The following SBK1 variants were observed in gnomAD, a reference collection of about 807,000 sequenced individuals.
The protein encoded by SBK1 is SH3 domain binding kinase 1.
A neutral mutation model predicts 24.4 loss-of-function variants in SBK1; 11 were observed. The ratio of observed to expected loss-of-function variants is 0.45; its 90% confidence interval spans 0.28 to 0.75. The LOEUF (loss-of-function observed/expected upper bound fraction) is 0.75, where lower values mean the gene tolerates loss of function less well. Among genes scored for constraint, SBK1 ranks in the 30% least tolerant of loss-of-function variants. The pLI is 0.12. For missense variants in SBK1, 467 were observed against 620.5 expected (o/e 0.75, Z 2.63); for synonymous variants, 308 against 284.4 (o/e 1.08, Z -0.83).
rs559857209 is a variant in SBK1 at position 28,309,109 on chromosome 16, T to C, written c.-7-8276T>C. Among the ~76,000 whole-genome samples the C allele has an allele frequency of 3.7e-4, 57 of 152,252 alleles. 1 individual carries two copies. The South Asian group carries it at 0.011, about 31-fold the overall frequency. ...GGGCAATCCTCCACAGCAGGAGGCTTTCCACACAGTGACCTGGGGACCCAG... is the reference window on the plus strand; with the variant it reads ...GGGCAATCCTCCACAGCAGGAGGCTCTCCACACAGTGACCTGGGGACCCAG... On this transcript the variant is annotated intron_variant, in intron 1 of 3. Coordinates refer to ENST00000341901, the MANE Select transcript of SBK1 (RefSeq NM_001024401.3).
At chr16:28,271,525 C>T (rs1007887026) in intron 1 of SBK1, among the ~76,000 whole-genome samples, 1 of 152,130 alleles carries the variant, frequency 6.6e-6, no homozygotes, top group African/African-American at 2.4e-5. Flanking sequence ...CCACTGCACT[C>T]CAGGCTGGGT....
At chr16:28,264,596 A>G (rs2044416875) in intron 1 of SBK1, among the ~76,000 whole-genome samples, 1 of 151,978 alleles carries the variant, frequency 6.6e-6, no homozygotes. Context: ...AATTCCTGCC[A>G]CAGATATTTT....
intron 1 of SBK1, among the ~76,000 whole-genome samples, chr16:28,265,928 T>C (rs1435564623): frequency 2.0e-5 from 3 of 151,078 alleles, no homozygotes; most frequent in Admixed American, 1.3e-4. Context: ...GAGCCAATAT[T>C]GTACCACTGC....
chr16:28,296,616 G>A (rs2044642870), intron 1 of SBK1, among the ~76,000 whole-genome samples: 1 of 152,192 alleles, frequency 6.6e-6, no homozygotes, highest in Non-Finnish European at 1.5e-5. Context: ...GGTCAAGTTA[G>A]AACGTGCACA....
chr16:28,311,187 C>T (rs1224906074), intron 1 of SBK1, among the ~76,000 whole-genome samples: 1 of 152,124 alleles, frequency 6.6e-6, no homozygotes, highest in Non-Finnish European at 1.5e-5. Context: ...CAGCCCCTGC[C>T]CCTGGGGAGC....
chr16:28,273,726 G>A (rs376740425), intron 1 of SBK1, among the ~76,000 whole-genome samples: 5 of 152,268 alleles, frequency 3.3e-5, no homozygotes, highest in South Asian at 4.1e-4. Context: ...GAGTCCCTGC[G>A]CCCAGCCCCA....
chr16:28,305,384 G>C (rs954211691), intron 1 of SBK1, among the ~76,000 whole-genome samples: 1 of 150,710 alleles, frequency 6.6e-6, no homozygotes, highest in Non-Finnish European at 1.5e-5. Context: ...GGCTAATTTT[G>C]TACTTTTAGT....
At chr16:28,297,176 A>G (rs2141578587) in intron 1 of SBK1, among the ~76,000 whole-genome samples, 1 of 152,226 alleles carries the variant, frequency 6.6e-6, no homozygotes, top group South Asian at 2.1e-4. Flanking sequence ...CTAAAAATAC[A>G]AAAAATTAGC....
intron 1 of SBK1, chr16:28,285,209 G>C (rs2044558110): frequency 6.6e-6 from 1 of 152,108 alleles, no homozygotes; most frequent in Non-Finnish European, 1.5e-5. Context: ...AAAGTGCTGG[G>C]ATTACAGGTG....
intron 1 of SBK1, among the ~76,000 whole-genome samples, chr16:28,275,236 G>A (rs976845118): frequency 5.9e-5 from 9 of 152,000 alleles, no homozygotes; most frequent in Non-Finnish European, 1.2e-4. Flanking sequence ...AGGCTGAGGC[G>A]GGAGGATTGC....
At chr16:28,305,656 C>T (rs1261176062) in intron 1 of SBK1, among the ~76,000 whole-genome samples, 2 of 151,950 alleles carry the variant, frequency 1.3e-5, no homozygotes, top group Non-Finnish European at 2.9e-5. Flanking sequence ...CTCAGCCTCC[C>T]GAGTAGCTGG....
At chr16:28,273,731 GC>G (rs2044481145) in intron 1 of SBK1, among the ~76,000 whole-genome samples, 1 of 152,192 alleles carries the variant, frequency 6.6e-6, no homozygotes, top group Non-Finnish European at 1.5e-5. Flanking sequence ...CCTGCGCCCA[GC>G]CCCACTTGTC....
intron 1 of SBK1, among the ~76,000 whole-genome samples, chr16:28,315,249 G>T (rs542394510): frequency 6.3e-4 from 96 of 151,612 alleles, no homozygotes; most frequent in African/African-American, 2.1e-3. Context: ...TGGGGTTTTA[G>T]AAAGGGGCAA....
At chr16:28,266,733 C>CTTTTTTT (rs376731367) in intron 1 of SBK1, among the ~76,000 whole-genome samples, 2 of 137,660 alleles carry the variant, frequency 1.5e-5, no homozygotes, top group African/African-American at 5.5e-5. Context: ...TTTTTCTTTT[C>CTTTTTTT]TTTTTTTTTT....
chr16:28,290,509 C>G (rs2141573889), upstream of SBK1: 1 of 152,360 alleles, frequency 6.6e-6, no homozygotes, highest in East Asian at 1.9e-4. Flanking sequence ...GTGGCACACG[C>G]CTGTAATCCC....
In SBK1 at chr16:28,322,364, G is replaced by C. The variant is rs1354752936; in HGVS notation, c.*1443G>C. On this transcript the variant is annotated 3_prime_UTR_variant, in exon 4 of 4. Coordinates refer to ENST00000341901, the MANE Select transcript of SBK1 (RefSeq NM_001024401.3). ...CCCGCCTGACCCCCTGCCCCTCTCT[G>C]TGGAGGCCCGGGACCCCCGCAATAA... 1.3e-5 allele frequency: 2 copies of C among 152,622 alleles called. No individual in the cohort carries two copies. Among genetic ancestry groups the C allele is most frequent in the Non-Finnish European group, 2.9e-5 (2 of 68,212 alleles). The allele number at this position is 152,622 out of a possible 1,614,324, so 9.5% of individuals were successfully genotyped here.
At chr16:28,277,899 C>G (rs537897443) in intron 1 of SBK1, among the ~76,000 whole-genome samples, 1 of 152,242 alleles carries the variant, frequency 6.6e-6, no homozygotes. Flanking sequence ...ATATGCGGAC[C>G]GGCCGGCAAG....
At chr16:28,261,266 C>CATGA (rs765237541) in intron 1 of SBK1, among the ~76,000 whole-genome samples, 33 of 152,258 alleles carry the variant, frequency 2.2e-4, no homozygotes, top group Admixed American at 1.1e-3. Flanking sequence ...TGAATGAATA[C>CATGA]ATGAATGAAT....
rs900243826 is a variant in SBK1, at chr16:28,321,051, G to GC, written c.*133dup. On this transcript the variant is annotated 3_prime_UTR_variant, in exon 4 of 4. Transcript: ENST00000341901. ...GCAGCGGTAGACTAGGCAGGACGCG[G>GC]CCCGGCACCTGGTCCGTCCCCGGCG... The GC allele has an allele frequency of 1.1e-4, 92 of 868,864 alleles. No individual in the cohort carries two copies. In the Middle Eastern group the frequency reaches 1.2e-3, roughly 12 times the overall value. 53.8% of individuals were successfully genotyped at this position (868,864 alleles called of 1,614,324 possible).
Sources: gnomAD v4.1 joint callset for allele counts (sites outside exome capture counted in the v4.1 genomes callset) on GRCh38, gnomAD v4.1.1 for gene constraint, MANE v1.5 for transcripts, NCBI Gene and HGNC (gene_info 2026-07-23, HGNC 2026-07-21) for gene names.